The following TBC1D26 variants were observed in gnomAD, a reference collection of about 807,000 sequenced individuals.
The protein encoded by TBC1D26 is TBC1 domain family, member 26.
TBC1D26 carries 19 observed loss-of-function variants against 42.5 expected under a neutral mutation model. The ratio of observed to expected loss-of-function variants is 0.45; its 90% CI spans 0.31 to 0.66. TBC1D26 has a LOEUF of 0.66. TBC1D26 is among the 30% of genes least tolerant of loss of function. The probability of loss-of-function intolerance (pLI) is 0.06; values close to 1 mark genes in which losing one functional copy is unlikely to be tolerated. For synonymous variants in TBC1D26, 97 were observed against 123.5 expected, an observed-to-expected ratio of 0.79 and a Z score of 1.42; for missense variants, 228 against 332.6, an observed-to-expected ratio of 0.69 and a Z score of 2.45.
Position 15,739,806 on chromosome 17 carries a change from G to A in TBC1D26, c.498-294G>A, listed in dbSNP as rs373249290. ...TTAGTTCAGAACCGTGGAACTGCAC[G>A]TCCCAAAGACTGGACTTCTGTGTGT... is the stretch of plus-strand genomic sequence containing the variant. On this transcript the variant is annotated intron_variant, in intron 8 of 14. Coordinates refer to ENST00000437605, the MANE Select transcript of TBC1D26 (RefSeq NM_001388465.1). Among the ~76,000 whole-genome samples the A allele has an allele frequency of 1.8e-4, 28 of 152,360 alleles. No individual in the cohort carries two copies. The East Asian group carries it at 2.9e-3, about 16-fold the overall frequency.
rs369068164 is a variant in TBC1D26, at chr17:15,738,849, G to C, written c.497+19G>C. 9 of 1,610,828 alleles carry C rather than the reference G, an allele frequency of 5.6e-6. No individual in the cohort carries two copies. In the African/African-American group the frequency reaches 1.2e-4, roughly 22 times the overall value. ...GAGTCAAGTAAGGCCAATGGGGCTT[G>C]CAGGGGTCCCAGGGAAGATGGGGCA... is the stretch of plus-strand genomic sequence containing the variant. On this transcript the variant is annotated intron_variant, in intron 8 of 14. Transcript: ENST00000437605.
chr17:15,738,385 A>C lies in TBC1D26; in HGVS notation c.385A>C (p.Lys129Gln). The change falls in exon 7 of 15, where the codon AAG becomes CAG. Residue 129 changes from lysine (K) to glutamine (Q), a missense_variant and splice_region_variant. Transcript: ENST00000437605. ...RIKSQNPGKY[K>Q]VMKEKGKRSS... ...CAAGTCCCAGAACCCAGGCAAATAT[A>C]AGGTAAGTCCCTCCCACACTCAGCT... The C allele has an allele frequency of 6.2e-7, 1 of 1,613,464 alleles. No homozygotes were observed. Among genetic ancestry groups the C allele is most frequent in the Non-Finnish European group, 8.5e-7 (1 of 1,179,912 alleles).
chr17:15,738,510 C>G, intron 7 of TBC1D26, 123 bp downstream of exon 7: 1 of 1,349,694 alleles, frequency 7.4e-7, no homozygotes, highest in East Asian at 2.4e-5. Context: ...AGACGCACAT[C>G]CTGGGCATAG....
Position 15,735,410 on chromosome 17 carries a change from C to T in TBC1D26, c.62C>T (p.Thr21Ile). Reference protein sequence around the residue: ...PAQGQGNIIITKYEQGHRAGA... With the variant: ...PAQGQGNIIIIKYEQGHRAGA... ...CAGGGGCAAGGCAATATCATCATTA[C>T]TAAGTATGAGCAGGTACAAGTTGGG... The change falls in exon 3 of 15, where the codon ACT (threonine) becomes ATT (isoleucine). Residue 21 changes from threonine (T) to isoleucine (I), a missense_variant. Physicochemically the swap from Thr to Ile is moderately conservative, Grantham distance 89. This residue lies in a region of TBC1D26 where 5 missense variants were observed against 31.6 expected (regional missense o/e 0.16). Coordinates refer to ENST00000437605, the MANE Select transcript of TBC1D26 (RefSeq NM_001388465.1). The T allele has an allele frequency of 6.2e-7, 1 of 1,613,424 alleles. No homozygotes were observed. Among genetic ancestry groups the T allele is most frequent in the South Asian group, 1.1e-5 (1 of 91,010 alleles).
At chr17:15,736,860 C>T (rs1217761800) in intron 4 of TBC1D26, among the ~76,000 whole-genome samples, 2 of 152,394 alleles carry the variant, frequency 1.3e-5, no homozygotes, top group Non-Finnish European at 2.9e-5. Context: ...GGACAAGGGT[C>T]ACAGAAGGGC....
In TBC1D26 at chr17:15,743,363, C is replaced by T. The variant is rs1967844086; in HGVS notation, c.908-4C>T. The T allele has an allele frequency of 2.0e-6, 2 of 986,200 alleles. No individual in the cohort carries two copies. Among genetic ancestry groups the T allele is most frequent in the Admixed American group, 6.1e-5 (1 of 16,274 alleles). 61.1% of individuals were successfully genotyped at this position (986,200 alleles called of 1,614,324 possible). On this transcript the variant is annotated splice_polypyrimidine_tract_variant and splice_region_variant and intron_variant, in intron 13 of 14. Transcript: ENST00000437605. ...TCCTGGCCTGATGCCCGCCCTCTCC[C>T]TAGAGCACCTCATGAAGCTTTCCTG... is the stretch of plus-strand genomic sequence containing the variant.
intron 10 of TBC1D26, 187 bp downstream of exon 10, chr17:15,741,408 AC>A (rs768082321): frequency 7.6e-5 from 74 of 977,740 alleles, no homozygotes; most frequent in Non-Finnish European, 9.3e-5. Context: ...CTGGACAGGA[AC>A]CCCCTCACCT....
In TBC1D26 at chr17:15,742,022, A is replaced by G; in HGVS notation, c.727A>G (p.Ile243Val). 1 of 1,613,886 alleles carries G rather than the reference A, an allele frequency of 6.2e-7. No individual in the cohort carries two copies. The highest frequency in any genetic ancestry group is 1.1e-5 in the South Asian group (1 of 91,070). ...EQVLHKSFPK[I>V]MRHLGKEGLC... The stretch of plus-strand genomic sequence containing the variant: ...GGTGCTGCACAAGTCCTTCCCAAAG[A>G]TCATGAGACACCTGGTGAGTGGATG... The change falls in exon 11 of 15, where the codon ATC becomes GTC. Residue 243 changes from isoleucine (I) to valine (V), a missense_variant. This residue lies in a region of TBC1D26 where 130 missense variants were observed against 168.5 expected (regional missense o/e 0.77). Coordinates refer to ENST00000437605, the MANE Select transcript of TBC1D26 (RefSeq NM_001388465.1).
At chr17:15,743,988 C>T (rs1031792355) in intron 14 of TBC1D26, among the ~76,000 whole-genome samples, 6 of 151,770 alleles carry the variant, frequency 4.0e-5, no homozygotes, top group African/African-American at 1.5e-4. Context: ...CAAAGGTTTG[C>T]CACAGAGGCA....
chr17:15,738,315 G>A lies in TBC1D26; in HGVS notation c.315G>A (p.Ala105=), dbSNP rs181090549. 13 of 1,613,700 alleles carry A rather than the reference G, an allele frequency of 8.1e-6. No homozygotes were observed. The highest frequency in any genetic ancestry group is 5.0e-5 in the Admixed American group (3 of 60,004). The change falls in exon 7 of 15, where the codon GCG becomes GCA. Residue 105 remains alanine, a synonymous_variant. Transcript: ENST00000437605. ...SQRVYKVIPL[A]VRGRAWSLLL... ...GAGTATACAAAGTCATTCCCCTGGC[G>A]GTACGGGGCCGGGCGTGGTCACTTT...
chr17:15,738,922 G>A (rs1470843610), intron 8 of TBC1D26, 92 bp downstream of exon 8: 43 of 1,571,736 alleles, frequency 2.7e-5, no homozygotes, highest in Non-Finnish European at 3.7e-5. Context: ...GGGTCACCCA[G>A]GAGAGGTGAC....
chr17:15,733,409 A>T (rs1050887143), intron 1 of TBC1D26, among the ~76,000 whole-genome samples: 2 of 152,070 alleles, frequency 1.3e-5, no homozygotes, highest in African/African-American at 4.8e-5. Flanking sequence ...CACACCCAGC[A>T]TTTTACAGTC....
chr17:15,741,897 T>C, intron 10 of TBC1D26, 45 bp from the exon 11 acceptor site: 1 of 1,597,198 alleles, frequency 6.3e-7, no homozygotes, highest in Non-Finnish European at 8.6e-7. Context: ...GCCTCCACAT[T>C]TTGGGCGTGG....
In TBC1D26 at chr17:15,738,002, A is replaced by G. The variant is rs781704008; in HGVS notation, c.204A>G (p.Arg68=). ...CATCATGGCTCATTTGACAGCAAAG[A>G]CGCAAGGAAAGTAAACGTACCAACA... The part of the protein sequence containing the change: ...PHVSALEVKQ[R]RKESKRTNKW... The change falls in exon 6 of 15, where the codon AGA becomes AGG. Residue 68 remains arginine (R), a synonymous_variant. Coordinates refer to ENST00000437605, the MANE Select transcript of TBC1D26 (RefSeq NM_001388465.1). The G allele has an allele frequency of 2.5e-6, 4 of 1,614,112 alleles. No homozygotes were observed. The highest frequency in any genetic ancestry group is 4.5e-5 in the East Asian group (2 of 44,870).
At position 15,743,375 on chromosome 17, in the gene TBC1D26, A is replaced by T; in HGVS notation, c.916A>T (p.Met306Leu). The change falls in exon 14 of 15, where the codon ATG (methionine) becomes TTG (leucine). Residue 306 changes from methionine to leucine, a missense_variant. Transcript: ENST00000437605. ...GCCCGCCCTCTCCCTAGAGCACCTC[A>T]TGAAGCTTTCCTGGAGCACTGTCTG... ...ASFKIHRKHL[M>L]KLSWSTVWEF... 2.0e-6 allele frequency: 2 copies of T among 986,404 alleles called. No individual in the cohort carries two copies. The highest frequency in any genetic ancestry group is 2.4e-6 in the Non-Finnish European group (2 of 830,286). The allele number at this position is 986,404 out of a possible 1,614,324, so 61.1% of individuals were successfully genotyped here.
Position 15,735,331 on chromosome 17 carries a change from A to G in TBC1D26, c.-1-17A>G. The G allele has an allele frequency of 2.5e-6, 4 of 1,613,612 alleles. No homozygotes were observed. The highest frequency in any genetic ancestry group is 2.2e-5 in the East Asian group (1 of 44,856). On this transcript the variant is annotated splice_polypyrimidine_tract_variant and intron_variant, in intron 2 of 14. Coordinates refer to ENST00000437605, the MANE Select transcript of TBC1D26 (RefSeq NM_001388465.1). ...CTCTTGGGTGCGGGAGAGCCTTGGGATGACTTTGTCTTGCAGGATGGAGAT... is the reference window on the plus strand; with the variant it reads ...CTCTTGGGTGCGGGAGAGCCTTGGGGTGACTTTGTCTTGCAGGATGGAGAT...
intron 4 of TBC1D26, among the ~76,000 whole-genome samples, 163 bp from the exon 5 acceptor site, chr17:15,737,321 T>C (rs1426209699): frequency 6.6e-6 from 1 of 152,240 alleles, no homozygotes; most frequent in African/African-American, 2.4e-5. Flanking sequence ...GCCTTGCTAG[T>C]GTCAGATCCG....
chr17:15,741,407 A>G lies in TBC1D26; in HGVS notation c.646+186A>G, dbSNP rs371423871. On this transcript the variant is annotated intron_variant, in intron 10 of 14. Coordinates refer to ENST00000437605, the MANE Select transcript of TBC1D26 (RefSeq NM_001388465.1). ...CTACAGCAGCCTGGGTCTGGACAGGAACCCCCTCACCTCAAGTCAGACGGC... is the reference window on the plus strand; with the variant it reads ...CTACAGCAGCCTGGGTCTGGACAGGGACCCCCTCACCTCAAGTCAGACGGC... 105 of 1,019,944 alleles carry G rather than the reference A, an allele frequency of 1.0e-4. No homozygotes were observed. The African/African-American group carries it at 1.5e-3, about 15-fold the overall frequency. The allele number at this position is 1,019,944 out of a possible 1,614,324, so 63.2% of individuals were successfully genotyped here. A position where few individuals can be genotyped will look rare whatever the true frequency, so the allele number is the denominator to read the frequency against.
Position 15,743,531 on chromosome 17 carries a change from C to T in TBC1D26, c.1057+15C>T. 1.0e-6 allele frequency: 1 copy of T among 988,476 alleles called. No homozygotes were observed. The highest frequency in any genetic ancestry group is 1.2e-6 in the Non-Finnish European group (1 of 824,184). 61.2% of individuals were successfully genotyped at this position (988,476 alleles called of 1,614,324 possible). On this transcript the variant is annotated intron_variant, in intron 14 of 14. Transcript: ENST00000437605. ...GCCACCCCCAGGTGGGCTCTAGCAC[C>T]AGGTACCCTCTGGAGTCACCCTCTG...
Sources: allele counts gnomAD v4.1 joint callset (sites outside exome capture counted in the v4.1 genomes callset), GRCh38; gene constraint gnomAD v4.1.1; regional missense constraint gnomAD v4.1.1; transcripts MANE v1.5; gene names NCBI Gene and HGNC (gene_info 2026-07-23, HGNC 2026-07-21).